KAZN: variants seen among roughly 807,000 people sequenced by gnomAD.
KAZN encodes kazrin.
In KAZN, 40 loss-of-function variants were observed where a neutral mutation model predicts 87.4. That is an observed-to-expected ratio of 0.46 (90% confidence interval 0.36 to 0.60). KAZN has a LOEUF of 0.60. Among genes scored for constraint, KAZN ranks in the 20% least tolerant of loss-of-function variants. The pLI is 0.00. For synonymous variants in KAZN, 466 were observed against 458.3 expected (o/e 1.02, Z -0.22); for missense variants, 898 against 1,073.9 (o/e 0.84, Z 2.29).
chr1:15,064,265 T>C (rs1639045041), intron 7 of KAZN, among the ~76,000 whole-genome samples: 1 of 152,212 alleles, frequency 6.6e-6, no homozygotes, highest in Admixed American at 6.5e-5. Context: ...CCTGTGGGTC[T>C]GCACACCACC....
At chr1:14,008,366 G>A (rs1403807847) in intron 1 of KAZN, among the ~76,000 whole-genome samples, 1 of 152,174 alleles carries the variant, frequency 6.6e-6, no homozygotes, top group Non-Finnish European at 1.5e-5. Flanking sequence ...AAGGAGACTA[G>A]GGTGGCAAAT....
chr1:14,196,835 G>A (rs1257764432), intron 2 of KAZN, among the ~76,000 whole-genome samples: 2 of 152,068 alleles, frequency 1.3e-5, no homozygotes, highest in Non-Finnish European at 2.9e-5. Flanking sequence ...TCCAAAAGCT[G>A]GGAAGGCGAG....
chr1:14,515,179 A>G (rs541952164), intron 2 of KAZN, among the ~76,000 whole-genome samples: 1 of 152,324 alleles, frequency 6.6e-6, no homozygotes, highest in African/African-American at 2.4e-5. Context: ...ATGAACATTT[A>G]ATGACCTTGT....
chr1:14,422,636 TA>T (rs1174211221), intron 2 of KAZN, among the ~76,000 whole-genome samples: 1 of 152,248 alleles, frequency 6.6e-6, no homozygotes, highest in Non-Finnish European at 1.5e-5. Context: ...GACGATGCTT[TA>T]TATTCAAATA....
chr1:15,006,610 T>C (rs896566592), intron 2 of KAZN, among the ~76,000 whole-genome samples: 1 of 152,226 alleles, frequency 6.6e-6, no homozygotes, highest in African/African-American at 2.4e-5. Flanking sequence ...CCAGACACTG[T>C]CCTAGGTGCC....
At chr1:14,322,683 C>T (rs55798641) in intron 2 of KAZN, among the ~76,000 whole-genome samples, 11,131 of 152,248 alleles carry the variant, frequency 0.073, 572 homozygotes, top group Non-Finnish European at 0.11. Context: ...TTCACCCTCT[C>T]CATCAGTTTT....
At chr1:14,454,099 A>G (rs1226836721) in intron 2 of KAZN, among the ~76,000 whole-genome samples, 1 of 152,228 alleles carries the variant, frequency 6.6e-6, no homozygotes, top group African/African-American at 2.4e-5. Context: ...GAAATCCTCC[A>G]TGGAGCTTTA....
intron 10 of KAZN, among the ~76,000 whole-genome samples, chr1:15,095,622 G>A (rs577603729): frequency 8.8e-5 from 5 of 56,688 alleles, no homozygotes; most frequent in South Asian, 5.5e-4. Flanking sequence ...GCCCCACCCC[G>A]TTCTGAGAAT....
At chr1:13,975,270 TTTGA>T (rs1239320762) in intron 1 of KAZN, among the ~76,000 whole-genome samples, 1 of 152,206 alleles carries the variant, frequency 6.6e-6, no homozygotes, top group African/African-American at 2.4e-5. Context: ...TGGGGAGGCC[TTTGA>T]TTGTGAGGCA....
chr1:14,028,612 T>C (rs1340833201), intron 1 of KAZN, among the ~76,000 whole-genome samples: 2 of 152,138 alleles, frequency 1.3e-5, no homozygotes, highest in Non-Finnish European at 1.5e-5. Context: ...TCAATACAGG[T>C]TTATCATTTC....
chr1:15,087,453 C>A (rs145706319), intron 8 of KAZN, among the ~76,000 whole-genome samples: 1 of 149,302 alleles, frequency 6.7e-6, no homozygotes, highest in Non-Finnish European at 1.5e-5. Context: ...AGTGTAGTGG[C>A]GTGATCTCAG....
chr1:14,686,251 G>A (rs942255219), intron 1 of KAZN, among the ~76,000 whole-genome samples: 2 of 152,158 alleles, frequency 1.3e-5, no homozygotes, highest in Non-Finnish European at 2.9e-5. Flanking sequence ...TTTTGGTAGA[G>A]ATGGGTTTTC....
chr1:14,260,394 A>G (rs1650918390), intron 2 of KAZN, among the ~76,000 whole-genome samples: 1 of 152,198 alleles, frequency 6.6e-6, no homozygotes, highest in South Asian at 2.1e-4. Flanking sequence ...AGGGTGAAGT[A>G]ACCACCCAGA....
rs934052996 is a variant in KAZN at position 14,239,554 on chromosome 1, G to A, written c.249+58962G>A. Among the ~76,000 whole-genome samples the A allele has an allele frequency of 6.9e-5, 10 of 145,978 alleles. No homozygotes were observed. In the Admixed American group the frequency reaches 7.3e-4, roughly 11 times the overall value. On this transcript the variant is annotated intron_variant, in intron 2 of 16. Coordinates refer to the KAZN transcript ENST00000636203. ...CGGCTCACTGCAACTTCTGCCTCCC[G>A]GGTTCAGGCGATTCTCCTGCCTCAG...
intron 1 of KAZN, among the ~76,000 whole-genome samples, chr1:13,910,810 A>G (rs1291970753): frequency 1.3e-5 from 2 of 152,102 alleles, no homozygotes; most frequent in African/African-American, 4.8e-5. Flanking sequence ...AGAGATATGT[A>G]GGTGTGTTCG....
intron 1 of KAZN, among the ~76,000 whole-genome samples, chr1:14,868,177 G>T (rs951546352): frequency 1.3e-5 from 2 of 151,918 alleles, no homozygotes; most frequent in African/African-American, 4.8e-5. Flanking sequence ...GCATCGCATA[G>T]GCAGGCATCA....
intron 1 of KAZN, among the ~76,000 whole-genome samples, chr1:14,103,802 C>T (rs1212260140): frequency 6.6e-6 from 1 of 152,138 alleles, no homozygotes; most frequent in Non-Finnish European, 1.5e-5. Flanking sequence ...GCCTGAATTC[C>T]CCTTTGCCAT....
At chr1:14,874,860 A>AG in intron 1 of KAZN, among the ~76,000 whole-genome samples, 1 of 152,262 alleles carries the variant, frequency 6.6e-6, no homozygotes, top group East Asian at 1.9e-4. Flanking sequence ...AGGAAAAAAA[A>AG]CTAACTCTGG....
At chr1:14,809,478 T>C (rs1170567828) in intron 1 of KAZN, among the ~76,000 whole-genome samples, 1 of 152,234 alleles carries the variant, frequency 6.6e-6, no homozygotes, top group African/African-American at 2.4e-5. Context: ...CTTTTGATTT[T>C]TTCCTTTAAC....
Sources: gnomAD v4.1 joint callset for allele counts (sites outside exome capture counted in the v4.1 genomes callset) on GRCh38, gnomAD v4.1.1 for gene constraint, MANE v1.5 for transcripts, NCBI Gene and HGNC (gene_info 2026-07-23, HGNC 2026-07-21) for gene names.